Variants in FBXO42 observed in about 807,000 individuals in gnomAD.
The protein encoded by FBXO42 is F-box protein 42.
A neutral mutation model predicts 71.7 loss-of-function variants in FBXO42; 12 were observed. That is an observed-to-expected ratio of 0.17 (90% CI 0.11 to 0.27). The LOEUF (loss-of-function observed/expected upper bound fraction) is 0.27, where lower values mean the gene tolerates loss of function less well. Among genes scored for constraint, FBXO42 ranks in the 10% least tolerant of loss-of-function variants. The pLI, the probability that FBXO42 is intolerant of heterozygous loss-of-function variation, is 1.00. For missense variants in FBXO42, 707 were observed against 911.9 expected, an observed-to-expected ratio of 0.78 and a Z score of 2.89; for synonymous variants, 325 against 327.5, an observed-to-expected ratio of 0.99 and a Z score of 0.08.
intron 2 of FBXO42, among the ~76,000 whole-genome samples, chr1:16,307,098 G>A (rs1231806949): frequency 3.3e-5 from 5 of 151,934 alleles, no homozygotes; most frequent in African/African-American, 1.2e-4. Context: ...CACCACAGTG[G>A]CCAGGCTGGT....
At position 16,352,469 on chromosome 1, in the gene FBXO42, AAGAC is replaced by A. The variant is rs2082712732; in HGVS notation, c.-236_-233del. ...CAGCTGCTGCTGCTCAGGCCGGGAGAAGACAGCGCAGAGCGCGCATGCGCCGGGG... is the reference window on the plus strand; with the variant it reads ...CAGCTGCTGCTGCTCAGGCCGGGAGAAGCGCAGAGCGCGCATGCGCCGGGG... On this transcript the variant is annotated 5_prime_UTR_variant, in exon 1 of 10. Transcript: ENST00000375592. 2.5e-6 allele frequency: 1 copy of A among 396,616 alleles called. No homozygotes were observed. Among genetic ancestry groups the A allele is most frequent in the Non-Finnish European group, 4.4e-6 (1 of 224,914 alleles). 24.6% of individuals were successfully genotyped at this position (396,616 alleles called of 1,614,324 possible).
intron 4 of FBXO42, among the ~76,000 whole-genome samples, chr1:16,284,091 G>T (rs1471375836): frequency 6.6e-6 from 1 of 152,156 alleles, no homozygotes; most frequent in Non-Finnish European, 1.5e-5. Flanking sequence ...TTTGTTTTGG[G>T]AATTGAACAA....
chr1:16,333,549 A>G (rs1471737973), intron 1 of FBXO42, among the ~76,000 whole-genome samples: 1 of 151,742 alleles, frequency 6.6e-6, no homozygotes. Flanking sequence ...TGATTGCACC[A>G]CTGCACTCCA....
In FBXO42 at chr1:16,251,406, C is replaced by G. The variant is rs1282370589; in HGVS notation, c.1418G>C (p.Gly473Ala). ...ISPSTPSAPE[G>A]YDLKIGLSLA... is the part of the protein sequence containing the mutation. Reference sequence around the variant, plus strand: ...AGAAAGTCCTATTTTCAGGTCGTATCCTTCAGGAGCAGATGGAGTACTTGG... The same window carrying G: ...AGAAAGTCCTATTTTCAGGTCGTATGCTTCAGGAGCAGATGGAGTACTTGG... The change falls in exon 10 of 10, where the codon GGA (glycine) becomes GCA (alanine). Residue 473 changes from glycine (G) to alanine (A), a missense_variant. This residue lies in a region of FBXO42 where 482 missense variants were observed against 587.1 expected (regional missense o/e 0.82). Transcript: ENST00000375592. The surrounding 1 kb of genome is among the most constrained non-coding windows in gnomAD (Gnocchi z 4.5). 6.2e-7 allele frequency: 1 copy of G among 1,613,970 alleles called. No individual in the cohort carries two copies. The highest frequency in any genetic ancestry group is 1.3e-5 in the African/African-American group (1 of 74,930).
At chr1:16,253,397 C>T in intron 7 of FBXO42, 1 of 591,168 alleles carries the variant, frequency 1.7e-6, no homozygotes, top group African/African-American at 1.9e-5. Context: ...ACATAAAATG[C>T]AGGATTCTCT....
intron 1 of FBXO42, among the ~76,000 whole-genome samples, chr1:16,335,711 C>T (rs968194453): frequency 1.3e-5 from 2 of 151,520 alleles, no homozygotes; most frequent in Admixed American, 6.6e-5. Flanking sequence ...ACTAAAAATA[C>T]AAAACATTAG....
intron 4 of FBXO42, among the ~76,000 whole-genome samples, chr1:16,288,883 G>A (rs377307476): frequency 6.4e-4 from 97 of 151,838 alleles, no homozygotes; most frequent in African/African-American, 2.2e-3. Flanking sequence ...GCTTGAACCC[G>A]GGAGGCAGAG....
chr1:16,317,887 C>T (rs1027797155), intron 1 of FBXO42, among the ~76,000 whole-genome samples: 1 of 151,418 alleles, frequency 6.6e-6, no homozygotes, highest in Non-Finnish European at 1.5e-5. Context: ...CCACTGGACT[C>T]CAGCCTGGGC....
intron 2 of FBXO42, among the ~76,000 whole-genome samples, chr1:16,314,786 A>AG (rs1458615970): frequency 6.6e-6 from 1 of 152,016 alleles, no homozygotes; most frequent in African/African-American, 2.4e-5. Context: ...CTGGAGGCTG[A>AG]GGCAGGTGAA....
At chr1:16,323,345 G>A (rs977359142) in intron 1 of FBXO42, among the ~76,000 whole-genome samples, 10 of 151,986 alleles carry the variant, frequency 6.6e-5, no homozygotes, top group Admixed American at 3.3e-4. Context: ...TTGAACCTGG[G>A]AGGCAGAGGT....
intron 4 of FBXO42, among the ~76,000 whole-genome samples, chr1:16,274,675 T>A (rs1371481493): frequency 7.4e-6 from 1 of 135,240 alleles, no homozygotes; most frequent in Non-Finnish European, 1.5e-5. Flanking sequence ...CACTGCAACC[T>A]CCGCCTCCTG....
chr1:16,301,838 G>C (rs6658063), intron 3 of FBXO42, among the ~76,000 whole-genome samples: 4,012 of 152,026 alleles, frequency 0.026, 179 homozygotes, highest in African/African-American at 0.089. Context: ...TAGAGATGTT[G>C]CCCAAATTGG....
At chr1:16,333,379 G>A (rs900235023) in intron 1 of FBXO42, among the ~76,000 whole-genome samples, 1 of 151,180 alleles carries the variant, frequency 6.6e-6, no homozygotes, top group Admixed American at 6.6e-5. Flanking sequence ...TCAGGAGACT[G>A]CCACCAGAGG....
Position 16,250,783 on chromosome 1 carries a change from C to A in FBXO42, c.2041G>T (p.Val681Leu), listed in dbSNP as rs376114387. ...ATGAGTTCACCCCTGCCTTGTACCA[C>A]GGTATGCAGGCTGGTTTCAGGAGGT... The part of the protein sequence containing the change: ...VGPPETSLHT[V>L]VQGRGELIIF... The change falls in exon 10 of 10, where the codon GTG becomes TTG. Residue 681 changes from valine to leucine, a missense_variant. This residue lies in a region of FBXO42 where 9 missense variants were observed against 31.8 expected (regional missense o/e 0.28). Transcript: ENST00000375592. This position sits in a 1 kb window ranked among gnomAD's most constrained non-coding sequence, Gnocchi z 4.7. 3.7e-6 allele frequency: 6 copies of A among 1,614,172 alleles called. No homozygotes were observed. Among genetic ancestry groups the A allele is most frequent in the Non-Finnish European group, 5.1e-6 (6 of 1,180,050 alleles).
At chr1:16,277,383 T>C (rs1203642073) in intron 4 of FBXO42, among the ~76,000 whole-genome samples, 1 of 152,120 alleles carries the variant, frequency 6.6e-6, no homozygotes, top group Non-Finnish European at 1.5e-5. Context: ...TCTTTTTTTT[T>C]CTTTTTTTCT....
At chr1:16,334,414 G>A (rs1569938778) in intron 1 of FBXO42, among the ~76,000 whole-genome samples, 2 of 97,022 alleles carry the variant, frequency 2.1e-5, no homozygotes, top group Non-Finnish European at 1.9e-5. Flanking sequence ...GTGAGACTCC[G>A]CCTCAAAAAA....
intron 1 of FBXO42, among the ~76,000 whole-genome samples, chr1:16,330,248 C>G (rs1280564624): frequency 1.3e-5 from 2 of 152,124 alleles, no homozygotes; most frequent in Non-Finnish European, 2.9e-5. Flanking sequence ...AGGCAGGGTG[C>G]AGGGGCTCAT....
At chr1:16,261,967 C>T (rs1309087390) in intron 4 of FBXO42, among the ~76,000 whole-genome samples, 2 of 152,148 alleles carry the variant, frequency 1.3e-5, no homozygotes, top group Non-Finnish European at 2.9e-5. Flanking sequence ...CCGCCTTGGT[C>T]TCCCAAACTG....
chr1:16,298,596 G>C (rs1033745875), intron 3 of FBXO42, among the ~76,000 whole-genome samples: 1 of 151,946 alleles, frequency 6.6e-6, no homozygotes, highest in Non-Finnish European at 1.5e-5. Flanking sequence ...TGCAACCTCC[G>C]CCTCCTAGGT....
Sources: allele counts gnomAD v4.1 joint callset (sites outside exome capture counted in the v4.1 genomes callset), GRCh38; gene constraint gnomAD v4.1.1; regional missense constraint gnomAD v4.1.1; non-coding constraint Gnocchi (gnomAD v3.1); transcripts MANE v1.5; gene names NCBI Gene and HGNC (gene_info 2026-07-23, HGNC 2026-07-21).